The following DMD variants were observed in gnomAD, a reference collection of about 807,000 sequenced individuals.
The protein encoded by DMD is dystrophin, also known as mutant dystrophin.
DMD carries 63 observed loss-of-function variants against 330.1 expected under a neutral mutation model. The ratio of observed to expected loss-of-function variants is 0.19; its 90% CI spans 0.16 to 0.24. DMD has a LOEUF of 0.24. Among genes scored for constraint, DMD ranks in the 10% least tolerant of loss-of-function variants. The probability of loss-of-function intolerance (pLI) is 1.00; values close to 1 mark genes in which losing one functional copy is unlikely to be tolerated. For missense variants in DMD, 3,344 were observed against 2,684.1 expected, an observed-to-expected ratio of 1.25 and a Z score of -5.43; for synonymous variants, 1,223 against 959.8, an observed-to-expected ratio of 1.27 and a Z score of -5.07.
At chrX:32,467,631 C>T (rs999152929) in intron 23 of DMD, among the ~76,000 whole-genome samples, 2 of 63,418 alleles carry the variant, frequency 3.2e-5, no homozygotes, top group African/African-American at 4.5e-5. Context: ...CCATTATACA[C>T]GTATATATAT....
chrX:32,462,351 A>G (rs2098386435), intron 25 of DMD, among the ~76,000 whole-genome samples: 1 of 112,079 alleles, frequency 8.9e-6, no homozygotes, highest in African/African-American at 3.2e-5. Flanking sequence ...TAGGATTCCA[A>G]TTGACCACAA....
chrX:32,704,576 G>A (rs1477809583), intron 7 of DMD, among the ~76,000 whole-genome samples: 1 of 112,240 alleles, frequency 8.9e-6, no homozygotes, highest in Non-Finnish European at 1.9e-5. Flanking sequence ...TTCAAAGATA[G>A]CAGGTATAAA....
intron 37 of DMD, among the ~76,000 whole-genome samples, chrX:32,351,043 G>A (rs1180262201): frequency 9.0e-6 from 1 of 110,875 alleles, no homozygotes; most frequent in Non-Finnish European, 1.9e-5. Context: ...TTATAACATG[G>A]AGATAAGATG....
At chrX:31,752,452 G>A (rs934431053) in intron 51 of DMD, among the ~76,000 whole-genome samples, 5 of 111,203 alleles carry the variant, frequency 4.5e-5, no homozygotes, top group Non-Finnish European at 7.5e-5. Flanking sequence ...AGGCTCCTGT[G>A]TCCTTGTGGC....
At chrX:31,873,296 A>G (rs1254784503) in intron 48 of DMD, among the ~76,000 whole-genome samples, 1 of 111,802 alleles carries the variant, frequency 8.9e-6, no homozygotes, top group Non-Finnish European at 1.9e-5. Flanking sequence ...AATGGTAGAC[A>G]TAAGTGTCAG....
intron 41 of DMD, among the ~76,000 whole-genome samples, chrX:32,339,798 A>G (rs767859700): frequency 1.8e-5 from 2 of 112,345 alleles, no homozygotes; most frequent in East Asian, 5.6e-4. Flanking sequence ...GACATGAAAG[A>G]TGAACTTTAA....
chrX:33,186,375 T>G (rs1281672130), intron 1 of DMD, among the ~76,000 whole-genome samples: 5 of 111,975 alleles, frequency 4.5e-5, no homozygotes, highest in African/African-American at 1.6e-4. Context: ...CTCTATTGTC[T>G]TGGGATCTGT....
intron 43 of DMD, among the ~76,000 whole-genome samples, chrX:32,253,409 G>C (rs191731270): frequency 2.5e-3 from 275 of 110,510 alleles, no homozygotes; most frequent in African/African-American, 8.9e-3. Context: ...AGGATGAAAA[G>C]CTACATAGGG....
intron 52 of DMD, among the ~76,000 whole-genome samples, chrX:31,704,514 C>T (rs1291605377): frequency 8.9e-6 from 1 of 111,893 alleles, no homozygotes; most frequent in Non-Finnish European, 1.9e-5. Flanking sequence ...GTGAACAGTG[C>T]TTTGTAAACT....
At chrX:31,652,009 C>A (rs915185657) in intron 54 of DMD, among the ~76,000 whole-genome samples, 2 of 111,871 alleles carry the variant, frequency 1.8e-5, no homozygotes, top group Middle Eastern at 4.6e-3. Flanking sequence ...ATGCCAGTTA[C>A]CCCTCTAAAT....
intron 30 of DMD, among the ~76,000 whole-genome samples, chrX:32,409,323 T>C (rs1452446311): frequency 9.0e-6 from 1 of 111,719 alleles, no homozygotes; most frequent in Non-Finnish European, 1.9e-5. Flanking sequence ...ATGCCCAAAA[T>C]CTCTTTCTTG....
At chrX:31,524,451 G>T (rs985994813) in intron 55 of DMD, among the ~76,000 whole-genome samples, 1 of 111,446 alleles carries the variant, frequency 9.0e-6, no homozygotes, top group Non-Finnish European at 1.9e-5. Context: ...TAATTAAAAG[G>T]CACATGTGTT....
intron 47 of DMD, among the ~76,000 whole-genome samples, chrX:31,928,295 G>A (rs962609074): frequency 8.9e-6 from 1 of 111,746 alleles, no homozygotes; most frequent in African/African-American, 3.3e-5. Context: ...GTTACAGACT[G>A]TCTGGTTGGA....
chrX:32,554,923 AAGAAAGAAAGAAAGAAAGAG>A (rs751090850), intron 16 of DMD, among the ~76,000 whole-genome samples: 3,022 of 29,873 alleles, frequency 0.1, 418 homozygotes, highest in African/African-American at 0.33. Context: ...GAAAGAAAGA[AAGAAAGAAAGAAAGAAAGAG>A]AGAGAGAGGG....
chrX:32,223,536 T>C (rs1311114000), intron 43 of DMD, among the ~76,000 whole-genome samples: 1 of 111,774 alleles, frequency 8.9e-6, no homozygotes, highest in Admixed American at 9.5e-5. Context: ...AATATGAACA[T>C]ATGCATTTCT....
At chrX:33,152,700 T>C (rs898478776) in intron 1 of DMD, among the ~76,000 whole-genome samples, 1 of 111,387 alleles carries the variant, frequency 9.0e-6, no homozygotes, top group African/African-American at 3.3e-5. Context: ...TTAAGACCCA[T>C]TGCTGTAACA....
chrX:31,371,707 G>C (rs931142977), intron 60 of DMD, among the ~76,000 whole-genome samples: 2 of 111,661 alleles, frequency 1.8e-5, no homozygotes, highest in Admixed American at 9.5e-5. Context: ...TCAAGATTTG[G>C]AGACTTTCCT....
chrX:32,652,495 C>A (rs2060235512), intron 9 of DMD, among the ~76,000 whole-genome samples: 2 of 110,488 alleles, frequency 1.8e-5, no homozygotes, highest in South Asian at 7.8e-4. Context: ...CATAGTATTT[C>A]ATGGTGTATA....
At chrX:31,747,898 T>C (rs2087990103) in intron 51 of DMD, among the ~76,000 whole-genome samples, 1 of 112,358 alleles carries the variant, frequency 8.9e-6, no homozygotes, top group Non-Finnish European at 1.9e-5. Context: ...AAATAAGCAG[T>C]AATCCCTGCA....
Sources: allele counts gnomAD v4.1 joint callset (sites outside exome capture counted in the v4.1 genomes callset), GRCh38; gene constraint gnomAD v4.1.1; transcripts MANE v1.5; gene names NCBI Gene and HGNC (gene_info 2026-07-23, HGNC 2026-07-21).